Variants in PCDHGB2 observed in about 807,000 individuals in gnomAD.
PCDHGB2 encodes the protein protocadherin gamma-B2.
Under a neutral mutation model 59.3 loss-of-function variants are expected in PCDHGB2, and 55 were observed. That is an observed-to-expected ratio of 0.93 (90% CI 0.75 to 1.16). The LOEUF is 1.16. Among genes scored for constraint, PCDHGB2 ranks in the 50% most tolerant of loss-of-function variants. The pLI is 0.00. For synonymous variants in PCDHGB2, 516 were observed against 512.0 expected, an observed-to-expected ratio of 1.01 and a Z score of -0.11; for missense variants, 1,228 against 1,198.5, an observed-to-expected ratio of 1.02 and a Z score of -0.36.
intron 1 of PCDHGB2, among the ~76,000 whole-genome samples, chr5:141,481,309 T>C (rs577046585): frequency 2.6e-4 from 39 of 152,310 alleles, no homozygotes; most frequent in African/African-American, 9.1e-4. Context: ...GGAAAAACCT[T>C]CCTAAAGCAC....
chr5:141,427,871 G>T, intron 1 of PCDHGB2: 1 of 1,559,532 alleles, frequency 6.4e-7, no homozygotes, highest in Non-Finnish European at 8.8e-7. Flanking sequence ...TCGAGCTCAC[G>T]ATGCAGGCCC....
In PCDHGB2 at chr5:141,477,913, T is replaced by G; in HGVS notation, c.2422-16894T>G. ...CACGGGTGGTAGGCTGGGACGCGGA[T>G]GCAGGGCACAATGCCTGGCTCTCCT... On this transcript the variant is annotated intron_variant, in intron 1 of 3. Transcript: ENST00000522605. This position sits in a 1 kb window ranked among gnomAD's most constrained non-coding sequence, Gnocchi z 4.9. 6.2e-7 allele frequency: 1 copy of G among 1,614,190 alleles called. No individual in the cohort carries two copies. Among genetic ancestry groups the G allele is most frequent in the Non-Finnish European group, 8.5e-7 (1 of 1,180,024 alleles).
intron 1 of PCDHGB2, chr5:141,364,841 C>T: frequency 1.2e-6 from 2 of 1,613,988 alleles, no homozygotes. Flanking sequence ...CCGGAGTTAC[C>T]AGCTCAGCTC....
Position 141,485,966 on chromosome 5 carries a change from A to T in PCDHGB2, c.2422-8841A>T. ...AGCGGGCATGGTGCTCATCCAGCTC[A>T]ATGCCTCAGACCCGGACCTGGGTCC... On this transcript the variant is annotated intron_variant, in intron 1 of 3. Coordinates refer to ENST00000522605, the MANE Select transcript of PCDHGB2 (RefSeq NM_018923.3). The surrounding 1 kb of genome is among the most constrained non-coding windows in gnomAD (Gnocchi z 5.7). 1 of 1,614,168 alleles carries T rather than the reference A, an allele frequency of 6.2e-7. No individual in the cohort carries two copies. Among genetic ancestry groups the T allele is most frequent in the Non-Finnish European group, 8.5e-7 (1 of 1,179,988 alleles).
chr5:141,444,360 G>A (rs556605314), intron 1 of PCDHGB2, among the ~76,000 whole-genome samples: 1 of 151,652 alleles, frequency 6.6e-6, no homozygotes, highest in South Asian at 2.1e-4. Context: ...TAGTAGAGAC[G>A]GGGTTTCTCC....
chr5:141,440,578 C>T (rs2098188646), intron 1 of PCDHGB2: 1 of 152,138 alleles, frequency 6.6e-6, no homozygotes, highest in Non-Finnish European at 1.5e-5. Flanking sequence ...CTGAGTTTAC[C>T]CAGCTGGAAC....
At chr5:141,440,165 A>G (rs935524872) in intron 1 of PCDHGB2, 2 of 152,300 alleles carry the variant, frequency 1.3e-5, no homozygotes, top group African/African-American at 4.8e-5. Flanking sequence ...AGCTTGGGCC[A>G]TAACGCTTTG....
chr5:141,400,145 A>T (rs543908773), intron 1 of PCDHGB2: 6 of 1,613,314 alleles, frequency 3.7e-6, no homozygotes, highest in Non-Finnish European at 4.2e-6. Flanking sequence ...GATATCACTG[A>T]CCGCCCTGTA....
intron 1 of PCDHGB2, among the ~76,000 whole-genome samples, chr5:141,463,438 CTTTTT>C (rs71576115): frequency 7.7e-5 from 8 of 103,256 alleles, no homozygotes; most frequent in African/African-American, 2.7e-4. Flanking sequence ...TTTCCTTCTC[CTTTTT>C]TTTTTTTTTT....
chr5:141,492,077 C>G (rs917149790), intron 1 of PCDHGB2: 1 of 483,342 alleles, frequency 2.1e-6, no homozygotes, highest in African/African-American at 2.0e-5. Context: ...GGCGCCGGCT[C>G]CGGCACGCTT....
intron 1 of PCDHGB2, among the ~76,000 whole-genome samples, chr5:141,480,704 G>A (rs545986902): frequency 8.5e-5 from 13 of 152,206 alleles, no homozygotes; most frequent in East Asian, 5.8e-4. Flanking sequence ...GCCACACCCC[G>A]ACAAATGAAA....
chr5:141,393,684 T>A, intron 1 of PCDHGB2: 1 of 1,613,904 alleles, frequency 6.2e-7, no homozygotes, highest in Non-Finnish European at 8.5e-7. Flanking sequence ...ACAAACTCCG[T>A]TATTCCAGCT....
Position 141,360,610 on chromosome 5 carries a change from G to T in PCDHGB2, c.475G>T (p.Asp159Tyr), listed in dbSNP as rs1761672138. 6.2e-7 allele frequency: 1 copy of T among 1,614,000 alleles called. No homozygotes were observed. Among genetic ancestry groups the T allele is most frequent in the Non-Finnish European group, 8.5e-7 (1 of 1,179,896 alleles). Residue 159 changes from aspartate to tyrosine, a missense_variant, in exon 1 of 4, where the codon GAT becomes TAT. This residue lies in a region of PCDHGB2 where 781 missense variants were observed against 721.6 expected (regional missense o/e 1.08). Transcript: ENST00000522605. ...GTTFPLDPALDSDVGPNSLQR... is the reference protein window; with the variant it reads ...GTTFPLDPALYSDVGPNSLQR... ...AACATTTCCACTTGACCCAGCCCTG[G>T]ATTCAGATGTTGGTCCTAACTCACT...
At chr5:141,377,447 A>AG (rs1773997095) in intron 1 of PCDHGB2, 1 of 152,082 alleles carries the variant, frequency 6.6e-6, no homozygotes, top group African/African-American at 2.4e-5. Context: ...AAGAAAAAAA[A>AG]GTAGCCAGAT....
rs1256790840 is a variant in PCDHGB2, at chr5:141,392,835, C to T, written c.2421+30279C>T. 8 of 1,608,038 alleles carry T rather than the reference C, an allele frequency of 5.0e-6. No individual in the cohort carries two copies. In the South Asian group the frequency reaches 5.5e-5, roughly 11 times the overall value. On this transcript the variant is annotated intron_variant, in intron 1 of 3. Coordinates refer to ENST00000522605, the MANE Select transcript of PCDHGB2 (RefSeq NM_018923.3). The stretch of plus-strand genomic sequence containing the variant: ...AACAATGGCCGCTCCACAGAGTCGC[C>T]CCAGACGCGGCGAGCTGATCCTGCT...
chr5:141,371,726 T>C (rs769173416), intron 1 of PCDHGB2: 1 of 1,614,050 alleles, frequency 6.2e-7, no homozygotes, highest in Non-Finnish European at 8.5e-7. Flanking sequence ...ACATCCTTGA[T>C]GTCAACGACA....
intron 1 of PCDHGB2, chr5:141,374,803 A>C (rs371815306): frequency 4.3e-6 from 7 of 1,613,866 alleles, no homozygotes; most frequent in African/African-American, 4.0e-5. Flanking sequence ...ACAACACTCC[A>C]ATGTTTACTC....
chr5:141,452,252 C>T (rs868364679), intron 1 of PCDHGB2, among the ~76,000 whole-genome samples: 2 of 152,106 alleles, frequency 1.3e-5, no homozygotes, highest in Non-Finnish European at 2.9e-5. Context: ...TTTGCCATAA[C>T]TCTCTCATTT....
At chr5:141,386,815 T>G (rs1043016890) in intron 1 of PCDHGB2, among the ~76,000 whole-genome samples, 22 of 152,220 alleles carry the variant, frequency 1.4e-4, no homozygotes, top group African/African-American at 4.8e-4. Context: ...TGCATAAAAT[T>G]GTTTTTAAGC....
Sources: gnomAD v4.1 joint callset for allele counts (sites outside exome capture counted in the v4.1 genomes callset) on GRCh38, gnomAD v4.1.1 for gene constraint, gnomAD v4.1.1 regional missense constraint, Gnocchi (gnomAD v3.1) non-coding constraint, MANE v1.5 for transcripts, NCBI Gene and HGNC (gene_info 2026-07-23, HGNC 2026-07-21) for gene names.